CDH20: variants seen among roughly 807,000 people sequenced by gnomAD.
CDH20 encodes cadherin-20.
In CDH20, 29 loss-of-function variants were observed where a neutral mutation model predicts 74.2. The ratio of observed to expected loss-of-function variants is 0.39; its 90% confidence interval spans 0.29 to 0.53. CDH20 has a LOEUF of 0.53. CDH20 is among the 20% of genes least tolerant of loss of function. The pLI, the probability that CDH20 is intolerant of heterozygous loss-of-function variation, is 0.69. For synonymous variants in CDH20, 469 were observed against 405.4 expected, an observed-to-expected ratio of 1.16 and a Z score of -1.88; for missense variants, 988 against 1,048.3, an observed-to-expected ratio of 0.94 and a Z score of 0.79.
At chr18:61,450,591 G>A (rs911076627) in intron 1 of CDH20, among the ~76,000 whole-genome samples, 2 of 151,934 alleles carry the variant, frequency 1.3e-5, no homozygotes, top group South Asian at 4.2e-4. Context: ...TAGAGGTAAT[G>A]CATGTTCACT....
intron 1 of CDH20, among the ~76,000 whole-genome samples, chr18:61,385,105 C>A (rs1056663273): frequency 6.6e-6 from 1 of 152,064 alleles, no homozygotes; most frequent in African/African-American, 2.4e-5. Context: ...TCCAAACCTG[C>A]CTTTAATTCA....
chr18:61,500,558 C>T, intron 4 of CDH20, 56 bp downstream of exon 4: 4 of 1,546,916 alleles, frequency 2.6e-6, no homozygotes, highest in Non-Finnish European at 2.6e-6. Flanking sequence ...TTTATAACTG[C>T]TGCTATGACA....
intron 1 of CDH20, among the ~76,000 whole-genome samples, chr18:61,412,987 G>A (rs138008902): frequency 1.5e-4 from 23 of 152,234 alleles, no homozygotes; most frequent in Non-Finnish European, 2.9e-4. Flanking sequence ...ATTAACTTTT[G>A]TAATTAAGAA....
rs1408209269 is a variant in CDH20 at position 61,407,034 on chromosome 18, A to G, written c.-153+73207A>G. 5.9e-5 allele frequency among the ~76,000 whole-genome samples: 9 copies of G among 152,248 alleles called. No homozygotes were observed. The East Asian group carries it at 1.7e-3, about 29-fold the overall frequency. ...TGGTACATACTTGCCATCAAGATAAAGAATAACTGCTCCTCAAGTAAGAGG... is the reference window on the plus strand; with the variant it reads ...TGGTACATACTTGCCATCAAGATAAGGAATAACTGCTCCTCAAGTAAGAGG... On this transcript the variant is annotated intron_variant, in intron 1 of 11. Transcript: ENST00000262717.
intron 5 of CDH20, among the ~76,000 whole-genome samples, chr18:61,506,581 A>T (rs1274655131): frequency 6.6e-6 from 1 of 152,234 alleles, no homozygotes; most frequent in South Asian, 2.1e-4. Flanking sequence ...AAAAACGTCA[A>T]AAAGTTGAGC....
At chr18:61,387,244 C>A (rs1911629828) in intron 1 of CDH20, among the ~76,000 whole-genome samples, 1 of 152,214 alleles carries the variant, frequency 6.6e-6, no homozygotes, top group South Asian at 2.1e-4. Context: ...TCTCAGACTG[C>A]AGCTCTGGAG....
At chr18:61,366,199 A>T (rs1426151139) in intron 1 of CDH20, among the ~76,000 whole-genome samples, 1 of 152,090 alleles carries the variant, frequency 6.6e-6, no homozygotes, top group Non-Finnish European at 1.5e-5. Context: ...TTCTTGTGTA[A>T]ATGTCAGGGG....
At position 61,400,613 on chromosome 18, in the gene CDH20, C is replaced by T. The variant is rs546658570; in HGVS notation, c.-153+66786C>T. ...GGGAACACAACCTCTACCCTCCTCTCGTTCCATAATTGTGTTAGCTGTGTC... is the reference window on the plus strand; with the variant it reads ...GGGAACACAACCTCTACCCTCCTCTTGTTCCATAATTGTGTTAGCTGTGTC... On this transcript the variant is annotated intron_variant, in intron 1 of 11. Transcript: ENST00000262717. Among the ~76,000 whole-genome samples the T allele has an allele frequency of 7.2e-5, 11 of 152,310 alleles. No homozygotes were observed. In the South Asian group the frequency reaches 1.7e-3, roughly 23 times the overall value.
chr18:61,545,222 C>T, intron 10 of CDH20, 78 bp downstream of exon 10: 1 of 879,710 alleles, frequency 1.1e-6, no homozygotes, highest in South Asian at 1.3e-5. Context: ...CTTATGCAAA[C>T]AGTGTCAAAG....
intron 6 of CDH20, among the ~76,000 whole-genome samples, chr18:61,513,595 C>G (rs1323504443): frequency 6.6e-6 from 1 of 151,676 alleles, no homozygotes; most frequent in South Asian, 2.1e-4. Context: ...TTCCTAGTCT[C>G]CATGGTCTTT....
chr18:61,505,517 A>C (rs928689845), intron 5 of CDH20, among the ~76,000 whole-genome samples: 3 of 151,824 alleles, frequency 2.0e-5, no homozygotes, highest in Non-Finnish European at 4.4e-5. Flanking sequence ...TATATTTTTT[A>C]TAGAGATGGG....
chr18:61,438,146 G>C (rs775734698), intron 1 of CDH20, among the ~76,000 whole-genome samples: 17 of 152,012 alleles, frequency 1.1e-4, no homozygotes, highest in Non-Finnish European at 2.1e-4. Flanking sequence ...TCCACCTATG[G>C]CTAGTCCACC....
At chr18:61,416,893 C>A (rs8092861) in intron 1 of CDH20, among the ~76,000 whole-genome samples, 2,110 of 152,252 alleles carry the variant, frequency 0.014, 43 homozygotes, top group African/African-American at 0.048. Context: ...ACATGAAAAA[C>A]AAACTATGAT....
intron 1 of CDH20, among the ~76,000 whole-genome samples, chr18:61,436,539 GA>G (rs1263010928): frequency 1.3e-5 from 2 of 152,150 alleles, no homozygotes; most frequent in African/African-American, 4.8e-5. Context: ...ACATGCCTGT[GA>G]AACATCTAGG....
chr18:61,472,624 T>C (rs1449580996), intron 1 of CDH20, among the ~76,000 whole-genome samples: 1 of 152,214 alleles, frequency 6.6e-6, no homozygotes, highest in Non-Finnish European at 1.5e-5. Context: ...ATGTTCAAGA[T>C]TGGTCAATGA....
intron 5 of CDH20, among the ~76,000 whole-genome samples, chr18:61,505,494 C>T (rs574298917): frequency 1.3e-4 from 20 of 152,014 alleles, no homozygotes; most frequent in Non-Finnish European, 2.2e-4. Flanking sequence ...CACCACCATG[C>T]CCAGCTAATT....
In CDH20 at chr18:61,397,744, C is replaced by A. The variant is rs181380597; in HGVS notation, c.-153+63917C>A. ...GCTCTGCCACTTACTAGCCGTGTAACCTTAGGCAAGTTACTCAACCTCTGT... is the reference window on the plus strand; with the variant it reads ...GCTCTGCCACTTACTAGCCGTGTAAACTTAGGCAAGTTACTCAACCTCTGT... On this transcript the variant is annotated intron_variant, in intron 1 of 11. Coordinates refer to ENST00000262717, the MANE Select transcript of CDH20 (RefSeq NM_031891.4). Among the ~76,000 whole-genome samples, 460 of 152,242 alleles carry A rather than the reference C, an allele frequency of 3.0e-3. 3 individuals are homozygous for A. The highest frequency in any genetic ancestry group is 6.8e-3 in the Middle Eastern group (2 of 294).
In CDH20 at chr18:61,550,069, G is replaced by A. The variant is rs1421788316; in HGVS notation, c.1740G>A (p.Gly580=). ...TGCCTATCCTGATAGCAGATAGCGG[G>A]CAGCCCGTGCTGAGCAGCACAGGCA... ...FHLPILIADS[G]QPVLSSTGTL... Residue 580 remains glycine, a synonymous_variant, in exon 11 of 12, where the codon GGG becomes GGA. Coordinates refer to ENST00000262717, the MANE Select transcript of CDH20 (RefSeq NM_031891.4). 6.2e-7 allele frequency: 1 copy of A among 1,614,212 alleles called. No individual in the cohort carries two copies. The highest frequency in any genetic ancestry group is 1.7e-5 in the Admixed American group (1 of 60,024).
At chr18:61,381,824 T>C (rs897984727) in intron 1 of CDH20, among the ~76,000 whole-genome samples, 2 of 152,332 alleles carry the variant, frequency 1.3e-5, no homozygotes, top group African/African-American at 2.4e-5. Flanking sequence ...GTTTAGCACA[T>C]TCAAATGTTT....
Sources: gnomAD v4.1 joint callset for allele counts (sites outside exome capture counted in the v4.1 genomes callset) on GRCh38, gnomAD v4.1.1 for gene constraint, MANE v1.5 for transcripts, NCBI Gene and HGNC (gene_info 2026-07-23, HGNC 2026-07-21) for gene names.